The following CDH9 variants were observed in gnomAD, a reference collection of about 807,000 sequenced individuals.
The protein encoded by CDH9 is cadherin 9.
In CDH9, 28 loss-of-function variants were observed where a neutral mutation model predicts 70.9. That is an observed-to-expected ratio of 0.40 (90% CI 0.29 to 0.54). The LOEUF (loss-of-function observed/expected upper bound fraction) is 0.54, where lower values mean the gene tolerates loss of function less well. Ranked by LOEUF, CDH9 falls within the 20% of genes least tolerant of loss-of-function variation. The pLI, the probability that CDH9 is intolerant of heterozygous loss-of-function variation, is 0.59. For synonymous variants in CDH9, 409 were observed against 343.1 expected, an observed-to-expected ratio of 1.19 and a Z score of -2.12; for missense variants, 874 against 984.4, an observed-to-expected ratio of 0.89 and a Z score of 1.50.
intron 1 of CDH9, among the ~76,000 whole-genome samples, chr5:26,998,251 C>T (rs535213213): frequency 2.7e-4 from 41 of 152,196 alleles, no homozygotes; most frequent in African/African-American, 9.4e-4. Context: ...CAAAAATTTT[C>T]TCCCATTCTG....
intron 2 of CDH9, among the ~76,000 whole-genome samples, chr5:26,931,828 T>C (rs1417674990): frequency 6.6e-6 from 1 of 152,108 alleles, no homozygotes; most frequent in East Asian, 1.9e-4. Flanking sequence ...GACATGCATG[T>C]AATTAGACTT....
At chr5:27,036,264 A>G (rs999976976) in intron 1 of CDH9, among the ~76,000 whole-genome samples, 1 of 152,012 alleles carries the variant, frequency 6.6e-6, no homozygotes, top group Non-Finnish European at 1.5e-5. Context: ...GCATTGGCTA[A>G]GCTTGGCATG....
At chr5:26,919,896 G>A (rs35759857) in intron 2 of CDH9, among the ~76,000 whole-genome samples, 3,209 of 152,250 alleles carry the variant, frequency 0.021, 38 homozygotes, top group Non-Finnish European at 0.032. Context: ...TGGTAGGCAA[G>A]CAACACTTGC....
At chr5:26,960,342 A>G (rs1742013395) in intron 2 of CDH9, among the ~76,000 whole-genome samples, 1 of 152,028 alleles carries the variant, frequency 6.6e-6, no homozygotes, top group African/African-American at 2.4e-5. Flanking sequence ...TTTACCTCCC[A>G]TATGCTGCTT....
chr5:27,011,323 A>G (rs1742951523), intron 1 of CDH9, among the ~76,000 whole-genome samples: 1 of 152,100 alleles, frequency 6.6e-6, no homozygotes, highest in South Asian at 2.1e-4. Context: ...GGTTAAGACG[A>G]AGTCTTTCTG....
intron 2 of CDH9, among the ~76,000 whole-genome samples, chr5:26,984,633 A>T (rs1256958714): frequency 2.0e-5 from 3 of 152,102 alleles, no homozygotes; most frequent in Non-Finnish European, 4.4e-5. Flanking sequence ...TAGTAGGGAC[A>T]TTTGCTATGC....
intron 1 of CDH9, among the ~76,000 whole-genome samples, chr5:26,996,206 G>C (rs1400616423): frequency 6.6e-6 from 1 of 151,790 alleles, no homozygotes; most frequent in African/African-American, 2.4e-5. Context: ...AATAACACAA[G>C]TGTTTGTGAT....
chr5:27,013,398 A>T (rs1579512770), intron 1 of CDH9, among the ~76,000 whole-genome samples: 1 of 152,088 alleles, frequency 6.6e-6, no homozygotes, highest in South Asian at 2.1e-4. Context: ...GAATTTTAAT[A>T]TGCCTACATT....
At chr5:26,926,284 C>A (rs1741337259) in intron 2 of CDH9, among the ~76,000 whole-genome samples, 1 of 70,946 alleles carries the variant, frequency 1.4e-5, no homozygotes, top group Non-Finnish European at 2.7e-5. Context: ...CACAAGCATT[C>A]TTATACACCA....
At chr5:26,917,004 G>T (rs1048562544) in intron 2 of CDH9, among the ~76,000 whole-genome samples, 3 of 151,844 alleles carry the variant, frequency 2.0e-5, no homozygotes, top group African/African-American at 4.8e-5. Flanking sequence ...ACTTCTTAAT[G>T]TAGGAGGCTG....
At chr5:27,016,309 C>T (rs1203953973) in intron 1 of CDH9, among the ~76,000 whole-genome samples, 6 of 151,844 alleles carry the variant, frequency 4.0e-5, no homozygotes, top group African/African-American at 1.2e-4. Flanking sequence ...ATAGACTGTA[C>T]TGGGTTGAGG....
intron 2 of CDH9, among the ~76,000 whole-genome samples, chr5:26,986,623 T>G (rs546171927): frequency 6.6e-6 from 1 of 152,124 alleles, no homozygotes; most frequent in Admixed American, 6.6e-5. Flanking sequence ...GCTATTCTTC[T>G]GTATCTGTGA....
chr5:26,881,516 C>T lies in CDH9; in HGVS notation c.1990G>A (p.Gly664Ser). 1.2e-6 allele frequency: 2 copies of T among 1,613,738 alleles called. No homozygotes were observed. The highest frequency in any genetic ancestry group is 1.7e-6 in the Non-Finnish European group (2 of 1,179,794). Residue 664 changes from glycine (G) to serine (S), a missense_variant, in exon 12 of 12, where the codon GGC becomes AGC. Gly to Ser is a moderately conservative substitution (Grantham distance 56). Transcript: ENST00000231021. The stretch of plus-strand genomic sequence containing the variant: ...AAAGCTTGGGTATCTTCTTCCCCGC[C>T]GCCTTCATCGTTGTAGGTCACAATG... ...DNIVTYNDEG[G>S]GEEDTQAFDI... is the part of the protein sequence containing the mutation.
At chr5:26,972,070 C>T (rs1337625959) in intron 2 of CDH9, among the ~76,000 whole-genome samples, 3 of 152,100 alleles carry the variant, frequency 2.0e-5, no homozygotes, top group African/African-American at 4.8e-5. Context: ...TAGATGTATT[C>T]GAGCATTTTC....
intron 9 of CDH9, among the ~76,000 whole-genome samples, chr5:26,888,919 C>T (rs1383810428): frequency 6.6e-6 from 1 of 152,136 alleles, no homozygotes; most frequent in Admixed American, 6.6e-5. Flanking sequence ...TCCATCAGAT[C>T]AGGCTCTATA....
intron 2 of CDH9, among the ~76,000 whole-genome samples, chr5:26,986,989 AG>A (rs1293053575): frequency 6.6e-6 from 1 of 151,962 alleles, no homozygotes; most frequent in Non-Finnish European, 1.5e-5. Context: ...GCCCACACAC[AG>A]AAAGAAGAAT....
chr5:27,007,132 G>T (rs1742877928), intron 1 of CDH9, among the ~76,000 whole-genome samples: 1 of 152,182 alleles, frequency 6.6e-6, no homozygotes, highest in Admixed American at 6.6e-5. Flanking sequence ...ATCAGAGTTT[G>T]TCAGATGCAA....
At chr5:26,948,534 GTTC>G (rs1392628261) in intron 2 of CDH9, among the ~76,000 whole-genome samples, 1 of 152,172 alleles carries the variant, frequency 6.6e-6, no homozygotes, top group Non-Finnish European at 1.5e-5. Flanking sequence ...ACTACCACTA[GTTC>G]TTATGTCACC....
intron 2 of CDH9, among the ~76,000 whole-genome samples, chr5:26,934,021 C>T (rs1359512014): frequency 6.6e-6 from 1 of 152,008 alleles, no homozygotes; most frequent in Non-Finnish European, 1.5e-5. Context: ...AAGCATGGTG[C>T]CAGCATCTGC....
Sources: allele counts gnomAD v4.1 joint callset (sites outside exome capture counted in the v4.1 genomes callset), GRCh38; gene constraint gnomAD v4.1.1; transcripts MANE v1.5; gene names NCBI Gene and HGNC (gene_info 2026-07-23, HGNC 2026-07-21).